Variants in CNTN6 observed in about 807,000 individuals in gnomAD.
CNTN6 encodes the protein contactin-6.
In CNTN6, 137 loss-of-function variants were observed where a neutral mutation model predicts 122.8. That is an observed-to-expected ratio of 1.12 (90% CI 0.97 to 1.29). The LOEUF (loss-of-function observed/expected upper bound fraction) is 1.29, where lower values mean the gene tolerates loss of function less well. Ranked by LOEUF, CNTN6 falls within the 50% of genes most tolerant of loss-of-function variation. The probability of loss-of-function intolerance (pLI) is 0.00; values close to 1 mark genes in which losing one functional copy is unlikely to be tolerated. For missense variants in CNTN6, 1,634 were observed against 1,223.4 expected (o/e 1.34, Z -5.01); for synonymous variants, 570 against 426.0 (o/e 1.34, Z -4.16).
At chr3:1,313,850 T>A (rs902870037) in intron 7 of CNTN6, among the ~76,000 whole-genome samples, 1 of 152,058 alleles carries the variant, frequency 6.6e-6, no homozygotes, top group Non-Finnish European at 1.5e-5. Context: ...GTGAGATGTC[T>A]GGTGAGGGCT....
At chr3:1,316,200 G>T (rs1242772565) in intron 7 of CNTN6, among the ~76,000 whole-genome samples, 1 of 151,806 alleles carries the variant, frequency 6.6e-6, no homozygotes, top group African/African-American at 2.4e-5. Flanking sequence ...AATGAGAGGC[G>T]TATTAATCTA....
chr3:1,244,941 G>A (rs2094540006), intron 4 of CNTN6, among the ~76,000 whole-genome samples: 1 of 150,310 alleles, frequency 6.7e-6, no homozygotes, highest in African/African-American at 2.5e-5. Context: ...GATCAGTTAG[G>A]ATGGGGCAGG....
Position 1,321,747 on chromosome 3 carries a change from T to C in CNTN6, c.859T>C (p.Phe287Leu). 1 of 1,611,936 alleles carries C rather than the reference T, an allele frequency of 6.2e-7. No homozygotes were observed. The highest frequency in any genetic ancestry group is 1.1e-5 in the South Asian group (1 of 91,018). Residue 287 changes from phenylalanine to leucine, a missense_variant, in exon 8 of 23, where the codon TTC becomes CTC. Coordinates refer to ENST00000446702, the MANE Select transcript of CNTN6 (RefSeq NM_001289080.2). ...KSQAILEIPN[F>L]QQEDEGFYEC... is the part of the protein sequence containing the mutation. ...CCAAGCTATCCTTGAAATCCCGAAC[T>C]TCCAACAAGAAGATGAAGGCTTTTA...
At chr3:1,380,496 G>T (rs1710503429) in intron 17 of CNTN6, among the ~76,000 whole-genome samples, 1 of 152,106 alleles carries the variant, frequency 6.6e-6, no homozygotes, top group Non-Finnish European at 1.5e-5. Flanking sequence ...CCAGGTTTGA[G>T]GTGCTTGTGG....
At chr3:1,152,327 C>T (rs144647212) in intron 2 of CNTN6, among the ~76,000 whole-genome samples, 1 of 151,898 alleles carries the variant, frequency 6.6e-6, no homozygotes, top group Non-Finnish European at 1.5e-5. Context: ...TTAGTAGAGA[C>T]AGGGTTTCAC....
At chr3:1,392,451 C>A (rs1452819901) in intron 20 of CNTN6, among the ~76,000 whole-genome samples, 6 of 152,122 alleles carry the variant, frequency 3.9e-5, no homozygotes, top group Non-Finnish European at 8.8e-5. Context: ...ACCATAAAAA[C>A]CCTAAAAGAA....
chr3:1,334,455 T>A (rs1057379279), intron 11 of CNTN6, among the ~76,000 whole-genome samples: 1 of 152,014 alleles, frequency 6.6e-6, no homozygotes, highest in Admixed American at 6.6e-5. Context: ...TTAGGAAATA[T>A]TAAACACTAT....
intron 1 of CNTN6, among the ~76,000 whole-genome samples, chr3:1,135,783 A>G (rs1305878834): frequency 6.6e-6 from 1 of 152,180 alleles, no homozygotes; most frequent in Non-Finnish European, 1.5e-5. Context: ...ACCTGAGGTC[A>G]GTAGTTCAAG....
chr3:1,388,368 AAACT>A (rs1473884464), intron 20 of CNTN6, among the ~76,000 whole-genome samples: 1 of 149,074 alleles, frequency 6.7e-6, no homozygotes, highest in Non-Finnish European at 1.5e-5. Flanking sequence ...GTTAGAAGGA[AAACT>A]AACAAACAGA....
At chr3:1,327,295 C>T (rs957469788) in intron 9 of CNTN6, among the ~76,000 whole-genome samples, 162 bp from the exon 10 acceptor site, 3 of 151,662 alleles carry the variant, frequency 2.0e-5, no homozygotes, top group Non-Finnish European at 2.9e-5. Context: ...AACATATTTT[C>T]GTTTTTTAAA....
At position 1,136,921 on chromosome 3, in the gene CNTN6, T is replaced by C. The variant is rs115514304; in HGVS notation, c.-82-11006T>C. Among the ~76,000 whole-genome samples, 469 of 152,322 alleles carry C rather than the reference T, an allele frequency of 3.1e-3. 3 individuals are homozygous for C. Among genetic ancestry groups the C allele is most frequent in the Non-Finnish European group, 3.1e-3 (208 of 68,020 alleles). ...GAAAGCAATAATTGTATACCTCTTATTTGACTGCCGTGAAGATGAAATGAG... is the reference window on the plus strand; with the variant it reads ...GAAAGCAATAATTGTATACCTCTTACTTGACTGCCGTGAAGATGAAATGAG... On this transcript the variant is annotated intron_variant, in intron 1 of 22. Transcript: ENST00000446702.
chr3:1,114,918 TG>T (rs1311715890), intron 1 of CNTN6, among the ~76,000 whole-genome samples: 1 of 152,178 alleles, frequency 6.6e-6, no homozygotes. Context: ...GCTCAGAAGC[TG>T]GGCATCTTAG....
intron 20 of CNTN6, among the ~76,000 whole-genome samples, chr3:1,397,774 G>A (rs1037542461): frequency 6.6e-6 from 1 of 152,062 alleles, no homozygotes; most frequent in Non-Finnish European, 1.5e-5. Context: ...CTGCAAATAT[G>A]CAATCAATCC....
At chr3:1,282,787 G>A (rs1046907103) in intron 5 of CNTN6, among the ~76,000 whole-genome samples, 4 of 152,052 alleles carry the variant, frequency 2.6e-5, no homozygotes, top group African/African-American at 9.7e-5. Context: ...CAATTCCCTC[G>A]AGTATCTATT....
chr3:1,395,895 A>C (rs930216434), intron 20 of CNTN6, among the ~76,000 whole-genome samples: 1 of 152,272 alleles, frequency 6.6e-6, no homozygotes, highest in East Asian at 1.9e-4. Flanking sequence ...ATGCTTAGAA[A>C]GGTTTTGTCA....
chr3:1,233,597 T>C (rs956645406), intron 4 of CNTN6, among the ~76,000 whole-genome samples: 39 of 151,598 alleles, frequency 2.6e-4, no homozygotes, highest in African/African-American at 9.4e-4. Context: ...TAGCCGGGTG[T>C]GGTGGTGTGC....
At chr3:1,269,228 A>G (rs1390676570) in intron 4 of CNTN6, among the ~76,000 whole-genome samples, 4 of 152,334 alleles carry the variant, frequency 2.6e-5, no homozygotes, top group Admixed American at 6.5e-5. Context: ...GCCCTAAATC[A>G]ATAGCTAGTG....
intron 19 of CNTN6, among the ~76,000 whole-genome samples, chr3:1,384,311 G>T (rs947050916): frequency 4.3e-4 from 65 of 149,814 alleles, no homozygotes; most frequent in African/African-American, 1.6e-3. Flanking sequence ...TTGGTAAGAG[G>T]TGAAGTCTGC....
chr3:1,272,935 G>A lies in CNTN6; in HGVS notation c.359-5478G>A, dbSNP rs77251264. Among the ~76,000 whole-genome samples the A allele has an allele frequency of 3.3e-3, 510 of 152,268 alleles. 4 individuals carry two copies. Among genetic ancestry groups the A allele is most frequent in the African/African-American group, 0.011 (455 of 41,544 alleles). On this transcript the variant is annotated intron_variant, in intron 4 of 22. Transcript: ENST00000446702. ...TTTTAAGTACATTTTGGTGGCCCTT[G>A]TCCCTCCCTTGCACCTTGGTTGCTC...
Sources: gnomAD v4.1 joint callset for allele counts (sites outside exome capture counted in the v4.1 genomes callset) on GRCh38, gnomAD v4.1.1 for gene constraint, MANE v1.5 for transcripts, NCBI Gene and HGNC (gene_info 2026-07-23, HGNC 2026-07-21) for gene names.